The following INSL6 variants were observed in gnomAD, a reference collection of about 807,000 sequenced individuals.
INSL6 encodes insulin like 6.
In INSL6, 16 loss-of-function variants were observed where a neutral mutation model predicts 9.4. The observed-to-expected ratio is 1.70, with a 90% CI of 1.15 to 2.59. INSL6 has a LOEUF of 2.59. Among genes scored for constraint, INSL6 ranks in the 30% most tolerant of loss-of-function variants. INSL6 has a pLI of 0.00. For missense variants in INSL6, 391 were observed against 257.3 expected (o/e 1.52, Z -3.56); for synonymous variants, 154 against 96.9 (o/e 1.59, Z -3.46).
chr9:5,082,752 G>A, the INSL6 span, among the ~76,000 whole-genome samples: 12 of 152,220 alleles, frequency 7.9e-5, no homozygotes, highest in African/African-American at 2.7e-4. Flanking sequence ...GGAGAATGGC[G>A]ATGACTTTTA....
the INSL6 span, chr9:5,098,642 A>T: frequency 1.3e-5 from 2 of 152,166 alleles, no homozygotes; most frequent in African/African-American, 4.8e-5. Flanking sequence ...GCAATTGGTC[A>T]TCAATGATAT....
intron 1 of INSL6, among the ~76,000 whole-genome samples, chr9:5,166,206 T>C (rs1012503379): frequency 2.0e-5 from 3 of 152,158 alleles, no homozygotes; most frequent in African/African-American, 7.2e-5. Context: ...AGAAGATTTT[T>C]GTTTTTGTTT....
At chr9:5,034,562 C>G in the INSL6 span, among the ~76,000 whole-genome samples, 3 of 151,860 alleles carry the variant, frequency 2.0e-5, no homozygotes, top group Admixed American at 2.0e-4. Flanking sequence ...TGCAATCAAA[C>G]TAGAACTCAG....
At chr9:5,091,371 A>T in the INSL6 span, 1 of 152,818 alleles carries the variant, frequency 6.5e-6, no homozygotes, top group Non-Finnish European at 1.5e-5. Context: ...GGGCCTTATT[A>T]TTAGGATTAT....
chr9:5,021,460 G>C, the INSL6 span, among the ~76,000 whole-genome samples: 1 of 152,106 alleles, frequency 6.6e-6, no homozygotes, highest in Non-Finnish European at 1.5e-5. Context: ...TATAATCTTT[G>C]TCCACAGGAA....
chr9:5,028,623 G>A, the INSL6 span, among the ~76,000 whole-genome samples: 7 of 152,216 alleles, frequency 4.6e-5, no homozygotes, highest in Non-Finnish European at 1.0e-4. Context: ...TGTCTACACT[G>A]AAAATCTATT....
At chr9:5,081,219 C>T in the INSL6 span, among the ~76,000 whole-genome samples, 1 of 151,750 alleles carries the variant, frequency 6.6e-6, no homozygotes, top group African/African-American at 2.4e-5. Flanking sequence ...TTTCAGTAAC[C>T]TAATTTTAGT....
At chr9:5,143,432 A>C (rs896582186) in intron 2 of INSL6, among the ~76,000 whole-genome samples, 4 of 152,042 alleles carry the variant, frequency 2.6e-5, no homozygotes, top group Non-Finnish European at 5.9e-5. Context: ...GTATGTATCC[A>C]GGAATTTATC....
chr9:5,111,928 C>T, the INSL6 span: 4 of 349,538 alleles, frequency 1.1e-5, no homozygotes, highest in South Asian at 2.2e-5. Context: ...ATCTACTCTC[C>T]GGATCACTCA....
chr9:5,092,035 A>G, the INSL6 span, among the ~76,000 whole-genome samples: 2 of 152,100 alleles, frequency 1.3e-5, no homozygotes, highest in East Asian at 3.8e-4. Flanking sequence ...GGAGAGGATT[A>G]TCATTAATAA....
chr9:5,081,768 G>A, the INSL6 span: 1 of 1,602,402 alleles, frequency 6.2e-7, no homozygotes, highest in Non-Finnish European at 8.6e-7. Context: ...CAAATATGAG[G>A]ATAGGTGCCC....
the INSL6 span, among the ~76,000 whole-genome samples, chr9:5,061,451 C>A: frequency 6.6e-6 from 1 of 152,260 alleles, no homozygotes; most frequent in Admixed American, 6.5e-5. Flanking sequence ...TCAGCATTTG[C>A]TGCTTCACCT....
the INSL6 span, chr9:5,080,373 C>T: frequency 6.2e-7 from 1 of 1,611,568 alleles, no homozygotes. Flanking sequence ...GCTCTGGATT[C>T]TCAAAGAGTA....
At chr9:5,040,747 A>T in the INSL6 span, among the ~76,000 whole-genome samples, 1 of 152,242 alleles carries the variant, frequency 6.6e-6, no homozygotes, top group Non-Finnish European at 1.5e-5. Context: ...GGCGTCCGGG[A>T]CCGTGGTGTG....
chr9:5,062,793 T>C, the INSL6 span, among the ~76,000 whole-genome samples: 1 of 152,184 alleles, frequency 6.6e-6, no homozygotes, highest in Non-Finnish European at 1.5e-5. Context: ...TGTCCTGTTA[T>C]ATTTCATTTC....
At chr9:5,095,563 C>T in the INSL6 span, among the ~76,000 whole-genome samples, 7 of 152,218 alleles carry the variant, frequency 4.6e-5, no homozygotes, top group South Asian at 2.1e-4. Context: ...CTTTCACTTC[C>T]GAGTCCCAGA....
At chr9:5,178,057 G>A (rs1825352998) in intron 1 of INSL6, among the ~76,000 whole-genome samples, 1 of 152,108 alleles carries the variant, frequency 6.6e-6, no homozygotes, top group African/African-American at 2.4e-5. Flanking sequence ...TGTATTTTTA[G>A]TAGAGACAGG....
At chr9:5,058,125 A>G in the INSL6 span, among the ~76,000 whole-genome samples, 5 of 152,310 alleles carry the variant, frequency 3.3e-5, no homozygotes, top group Non-Finnish European at 7.3e-5. Context: ...CTTTTTGACA[A>G]TTGTGAGTAA....
the INSL6 span, among the ~76,000 whole-genome samples, chr9:5,008,700 G>C: frequency 0.085 from 12,865 of 152,134 alleles, 1,589 homozygotes; most frequent in African/African-American, 0.28. Flanking sequence ...GCTTTGATTT[G>C]TATCGGTACA....
Sources: allele counts gnomAD v4.1 joint callset (sites outside exome capture counted in the v4.1 genomes callset), GRCh38; gene constraint gnomAD v4.1.1; transcripts MANE v1.5; gene names NCBI Gene and HGNC (gene_info 2026-07-23, HGNC 2026-07-21).